Variants in ARMC8 observed in about 807,000 individuals in gnomAD.
The protein encoded by ARMC8 is armadillo repeat containing 8, also known as armadillo repeat-containing protein 8.
Under a neutral mutation model 99.3 loss-of-function variants are expected in ARMC8, and 20 were observed. The observed-to-expected ratio is 0.20, with a 90% CI of 0.14 to 0.29. The LOEUF is 0.29. Ranked by LOEUF, ARMC8 falls within the 10% of genes least tolerant of loss-of-function variation. The pLI is 1.00. For missense variants in ARMC8, 569 were observed against 809.5 expected, an observed-to-expected ratio of 0.70 and a Z score of 3.60; for synonymous variants, 263 against 278.3, an observed-to-expected ratio of 0.95 and a Z score of 0.55.
intron 12 of ARMC8, among the ~76,000 whole-genome samples, chr3:138,260,543 A>C (rs2108249094): frequency 6.6e-6 from 1 of 152,292 alleles, no homozygotes; most frequent in African/African-American, 2.4e-5. Flanking sequence ...GGAAGAGGCT[A>C]CCGTCTGGAC....
At chr3:138,258,023 C>G (rs564323783) in intron 12 of ARMC8, among the ~76,000 whole-genome samples, 1 of 152,312 alleles carries the variant, frequency 6.6e-6, no homozygotes, top group African/African-American at 2.4e-5. Flanking sequence ...TGTTATTACT[C>G]ATAATCCATT....
intron 5 of ARMC8, 172 bp from the exon 6 acceptor site, chr3:138,228,746 C>T: frequency 1.7e-6 from 1 of 574,006 alleles, no homozygotes; most frequent in Non-Finnish European, 3.3e-6. Context: ...TTGTCATTGG[C>T]CTAGACAGTT....
intron 18 of ARMC8, among the ~76,000 whole-genome samples, chr3:138,278,016 A>C (rs1463489303): frequency 1.3e-5 from 2 of 152,256 alleles, no homozygotes; most frequent in Non-Finnish European, 2.9e-5. Context: ...AAGGCAAGAT[A>C]CTATATGATC....
In ARMC8 at chr3:138,214,142, T is replaced by TTTTGG. The variant is rs1349491750; in HGVS notation, c.122+4253_122+4254insGTTTG. 2.0e-5 allele frequency among the ~76,000 whole-genome samples: 3 copies of TTTTGG among 148,954 alleles called. No individual in the cohort carries two copies. The South Asian group carries it at 6.7e-4, about 33-fold the overall frequency. On this transcript the variant is annotated intron_variant, in intron 2 of 21. Coordinates refer to ENST00000469044, the MANE Select transcript of ARMC8 (RefSeq NM_001363941.2). ...ACTCCAGCCTGCGTCACAGAGTTGT[T>TTTTGG]TTTGTTTTGTTTTGTTTAAAAAAAA...
chr3:138,191,307 C>T lies in ARMC8; in HGVS notation c.45+3708C>T, dbSNP rs1331825122. 3.3e-5 allele frequency among the ~76,000 whole-genome samples: 5 copies of T among 152,210 alleles called. No individual in the cohort carries two copies. The South Asian group carries it at 1.0e-3, about 32-fold the overall frequency. On this transcript the variant is annotated intron_variant, in intron 1 of 21. Transcript: ENST00000469044. ...AACATTACAACATCACCCTTTTCAACAAATTCATAAATTTCTGCAATGTTT... is the reference window on the plus strand; with the variant it reads ...AACATTACAACATCACCCTTTTCAATAAATTCATAAATTTCTGCAATGTTT...
At chr3:138,258,510 C>G (rs1007891322) in intron 12 of ARMC8, among the ~76,000 whole-genome samples, 3 of 152,144 alleles carry the variant, frequency 2.0e-5, no homozygotes, top group Non-Finnish European at 4.4e-5. Flanking sequence ...TGTTGGAGTT[C>G]CTGTGTATAC....
At chr3:138,248,641 C>T (rs923812839) in intron 12 of ARMC8, among the ~76,000 whole-genome samples, 5 of 152,138 alleles carry the variant, frequency 3.3e-5, no homozygotes, top group East Asian at 1.9e-4. Flanking sequence ...TCTTCTATGA[C>T]AAATAATTGC....
intron 5 of ARMC8, among the ~76,000 whole-genome samples, chr3:138,227,947 CT>C (rs1302252040): frequency 6.6e-5 from 10 of 152,168 alleles, no homozygotes; most frequent in Non-Finnish European, 1.2e-4. Flanking sequence ...TACCTTTCAA[CT>C]TTTAACTCCT....
intron 12 of ARMC8, among the ~76,000 whole-genome samples, chr3:138,263,217 T>C (rs1211587807): frequency 6.6e-6 from 1 of 152,238 alleles, no homozygotes; most frequent in African/African-American, 2.4e-5. Context: ...ATGATTATAG[T>C]GATTATATGT....
intron 1 of ARMC8, chr3:138,188,401 T>A: frequency 6.6e-7 from 1 of 1,504,402 alleles, no homozygotes; most frequent in Non-Finnish European, 8.9e-7. Flanking sequence ...TTAAAAAAAG[T>A]TTTTTTAAAG....
rs1459790745 is a variant in ARMC8, at chr3:138,198,516, TA to T, written c.45+10918del. 1.3e-3 allele frequency among the ~76,000 whole-genome samples: 198 copies of T among 150,608 alleles called. 1 individual carries two copies. The highest frequency in any genetic ancestry group is 3.9e-3 in the African/African-American group (159 of 41,204). On this transcript the variant is annotated intron_variant, in intron 1 of 21. Transcript: ENST00000469044. ...TCTTTATTATTATTATTATTATTATTATTATTATTTTTTGAGACAGATTCTC... is the reference window on the plus strand; with the variant it reads ...TCTTTATTATTATTATTATTATTATTTTATTATTTTTTGAGACAGATTCTC...
intron 6 of ARMC8, among the ~76,000 whole-genome samples, chr3:138,230,466 C>T (rs1005153197): frequency 6.6e-6 from 1 of 152,076 alleles, no homozygotes; most frequent in African/African-American, 2.4e-5. Context: ...GTCTGGGCAA[C>T]ATGGCGAAAC....
chr3:138,209,980 G>T, intron 2 of ARMC8, 87 bp downstream of exon 2: 1 of 957,538 alleles, frequency 1.0e-6, no homozygotes, highest in Non-Finnish European at 1.6e-6. Flanking sequence ...GAAAATACAG[G>T]GTTATACCTT....
At chr3:138,193,537 A>G (rs2043518134) in intron 1 of ARMC8, among the ~76,000 whole-genome samples, 2 of 152,212 alleles carry the variant, frequency 1.3e-5, no homozygotes, top group African/African-American at 2.4e-5. Flanking sequence ...AAGTGTTGAG[A>G]TCATAGGCGT....
At chr3:138,202,755 A>T (rs2044152398) in intron 1 of ARMC8, among the ~76,000 whole-genome samples, 2 of 152,230 alleles carry the variant, frequency 1.3e-5, no homozygotes, top group Admixed American at 1.3e-4. Flanking sequence ...TGTTAGAAAT[A>T]AAGAACACTA....
At chr3:138,240,995 A>C (rs2046585822) in intron 10 of ARMC8, among the ~76,000 whole-genome samples, 1 of 152,220 alleles carries the variant, frequency 6.6e-6, no homozygotes, top group Non-Finnish European at 1.5e-5. Context: ...GGTTGCAGTG[A>C]GCCGAGATCG....
At chr3:138,208,422 A>G (rs1415476267) in intron 1 of ARMC8, among the ~76,000 whole-genome samples, 1 of 152,226 alleles carries the variant, frequency 6.6e-6, no homozygotes, top group Non-Finnish European at 1.5e-5. Flanking sequence ...AGCCAAGATC[A>G]TGCTGCTGGA....
At chr3:138,187,973 C>T in intron 1 of ARMC8, 1 of 289,972 alleles carries the variant, frequency 3.4e-6, no homozygotes, top group South Asian at 6.6e-5. Context: ...TTGTGAAGCG[C>T]CGGGCTTGCA....
intron 2 of ARMC8, 26 bp downstream of exon 2, chr3:138,209,919 A>G (rs370126943): frequency 1.3e-4 from 207 of 1,572,194 alleles, no homozygotes; most frequent in Non-Finnish European, 1.6e-4. Context: ...TTAAGAGTCT[A>G]TCAAAAAGTT....
Sources: allele counts gnomAD v4.1 joint callset (sites outside exome capture counted in the v4.1 genomes callset), GRCh38; gene constraint gnomAD v4.1.1; transcripts MANE v1.5; gene names NCBI Gene and HGNC (gene_info 2026-07-23, HGNC 2026-07-21).